The following SPATA9 variants were observed in gnomAD, a reference collection of about 807,000 sequenced individuals.
SPATA9 encodes spermatogenesis associated 9.
A neutral mutation model predicts 25.5 loss-of-function variants in SPATA9; 27 were observed. The ratio of observed to expected loss-of-function variants is 1.06; its 90% confidence interval spans 0.78 to 1.46. SPATA9 has a LOEUF of 1.46. Among genes scored for constraint, SPATA9 ranks in the 40% most tolerant of loss-of-function variants. SPATA9 has a pLI of 0.00. For synonymous variants in SPATA9, 102 were observed against 105.7 expected (o/e 0.97, Z 0.21); for missense variants, 282 against 297.5 (o/e 0.95, Z 0.38).
Position 95,675,599 on chromosome 5 carries a change from G to A in SPATA9, c.191C>T (p.Ala64Val). The change falls in exon 3 of 5, where the codon GCT becomes GTT. Residue 64 changes from alanine to valine, a missense_variant. Ala to Val is a moderately conservative substitution (Grantham distance 64). Coordinates refer to ENST00000274432, the MANE Select transcript of SPATA9 (RefSeq NM_031952.4). ...PAQKTSKIRM[A>V]IALAKINRAT... ...TCGATTAATCTTAGCTAAAGCAATA[G>A]CCATCCTGATTTTGGATGTTTTCTG... The A allele has an allele frequency of 6.2e-7, 1 of 1,614,112 alleles. No individual in the cohort carries two copies. Among genetic ancestry groups the A allele is most frequent in the Non-Finnish European group, 8.5e-7 (1 of 1,180,008 alleles).
At chr5:95,725,055 T>C in the SPATA9 span, among the ~76,000 whole-genome samples, 1 of 152,092 alleles carries the variant, frequency 6.6e-6, no homozygotes, top group Non-Finnish European at 1.5e-5. Flanking sequence ...ACACATGCCA[T>C]GTGACCTAGC....
chr5:95,724,924 G>C, the SPATA9 span, among the ~76,000 whole-genome samples: 2 of 152,024 alleles, frequency 1.3e-5, no homozygotes, highest in Admixed American at 1.3e-4. Flanking sequence ...ATGGTGGCAT[G>C]CACCTGTAGT....
chr5:95,658,901 TA>T lies in SPATA9; in HGVS notation c.486del (p.Asn163MetfsTer4), dbSNP rs745670006. 1 of 1,609,396 alleles carries T rather than the reference TA, an allele frequency of 6.2e-7. No individual in the cohort carries two copies. The highest frequency in any genetic ancestry group is 8.5e-7 in the Non-Finnish European group (1 of 1,178,318). On this transcript the variant is annotated frameshift_variant, in exon 5 of 5. Transcript: ENST00000274432. LOFTEE classifies it high-confidence loss of function. ...TTCTTTACCTTCTTCAGCACAGCATTAACACAGACTGCCTATACAATAAAAA... is the reference window on the plus strand; with the variant it reads ...TTCTTTACCTTCTTCAGCACAGCATTACACAGACTGCCTATACAATAAAAA... The part of the protein sequence containing the change: ...YAALIYLAVC[V>X]NAVLKKVKNI...
At chr5:95,702,972 T>G (rs1276537734), upstream of SPATA9, among the ~76,000 whole-genome samples, 2 of 152,264 alleles carry the variant, frequency 1.3e-5, no homozygotes, top group Admixed American at 1.3e-4. Context: ...CTTCATTTAT[T>G]TCTTTAAAAT....
the SPATA9 span, among the ~76,000 whole-genome samples, chr5:95,708,277 C>T: frequency 6.6e-6 from 1 of 152,044 alleles, no homozygotes; most frequent in Non-Finnish European, 1.5e-5. Context: ...CAGTCAAAGG[C>T]CGGATTGGCT....
the SPATA9 span, chr5:95,731,503 C>T: frequency 5.6e-6 from 7 of 1,248,108 alleles, no homozygotes; most frequent in South Asian, 6.8e-5. Context: ...GTCCCCGGCT[C>T]GCTCGCTGGC....
intron 2 of SPATA9, among the ~76,000 whole-genome samples, chr5:95,679,883 A>G (rs951181457): frequency 2.6e-5 from 4 of 152,208 alleles, no homozygotes; most frequent in Admixed American, 6.5e-5. Flanking sequence ...ACAAGAATGC[A>G]TATCAGTTAA....
chr5:95,720,455 C>T, the SPATA9 span, among the ~76,000 whole-genome samples: 1 of 152,122 alleles, frequency 6.6e-6, no homozygotes, highest in East Asian at 1.9e-4. Context: ...TAATAAAATG[C>T]ACTGGTTGAA....
intron 4 of SPATA9, among the ~76,000 whole-genome samples, chr5:95,661,381 C>A (rs1213340230): frequency 6.6e-6 from 1 of 151,984 alleles, no homozygotes; most frequent in African/African-American, 2.4e-5. Context: ...CTTTCAAAAC[C>A]AAAATTGTAA....
In SPATA9 at chr5:95,675,396, T is replaced by G; in HGVS notation, c.378+16A>C. 6.3e-7 allele frequency: 1 copy of G among 1,589,416 alleles called. No homozygotes were observed. Among genetic ancestry groups the G allele is most frequent in the Non-Finnish European group, 8.6e-7 (1 of 1,167,848 alleles). On this transcript the variant is annotated intron_variant, in intron 3 of 4. Coordinates refer to ENST00000274432, the MANE Select transcript of SPATA9 (RefSeq NM_031952.4). ...TCTTAAAAAAGGGGAATTGTGCATATGCAGTATTCCCTTACCTGAATGTTA... is the reference window on the plus strand; with the variant it reads ...TCTTAAAAAAGGGGAATTGTGCATAGGCAGTATTCCCTTACCTGAATGTTA...
At chr5:95,698,450 T>C (rs1323343155) in intron 1 of SPATA9, 1 of 152,138 alleles carries the variant, frequency 6.6e-6, no homozygotes, top group Non-Finnish European at 1.5e-5. Flanking sequence ...AGGGACTAGA[T>C]TGTTATCTGG....
At chr5:95,718,084 G>T in the SPATA9 span, among the ~76,000 whole-genome samples, 2 of 152,144 alleles carry the variant, frequency 1.3e-5, no homozygotes, top group African/African-American at 4.8e-5. Flanking sequence ...ACACTAGAAA[G>T]TATGTTATGG....
chr5:95,654,152 A>G (rs199897744), downstream of SPATA9: 18 of 1,612,446 alleles, frequency 1.1e-5, no homozygotes, highest in African/African-American at 2.4e-4. Context: ...AAAATCTGAA[A>G]GAATGACAGC....
At chr5:95,667,742 G>A (rs1751958075) in intron 3 of SPATA9, among the ~76,000 whole-genome samples, 1 of 152,124 alleles carries the variant, frequency 6.6e-6, no homozygotes, top group Non-Finnish European at 1.5e-5. Context: ...GTGTTGTATG[G>A]GTTGGATCTG....
At chr5:95,708,612 A>G in the SPATA9 span, 77 of 696,514 alleles carry the variant, frequency 1.1e-4, no homozygotes, top group African/African-American at 1.1e-3. Context: ...AAAAGTCAAC[A>G]TTTTGGAGTT....
chr5:95,711,298 T>TA, the SPATA9 span, among the ~76,000 whole-genome samples: 1 of 152,152 alleles, frequency 6.6e-6, no homozygotes, highest in African/African-American at 2.4e-5. Context: ...TCTCTCCAGA[T>TA]ACGCTCCCTC....
the SPATA9 span, among the ~76,000 whole-genome samples, chr5:95,711,890 G>A: frequency 1.3e-5 from 2 of 152,320 alleles, no homozygotes; most frequent in East Asian, 3.9e-4. Context: ...CCCGCCACAC[G>A]GCTTGAACAA....
intron 4 of SPATA9, 79 bp from the exon 5 acceptor site, chr5:95,658,992 T>C (rs1200513290): frequency 1.7e-5 from 25 of 1,497,840 alleles, no homozygotes; most frequent in Non-Finnish European, 2.1e-5. Flanking sequence ...CAATATAGTG[T>C]TCCACATAAA....
Position 95,682,784 on chromosome 5 carries a change from T to C in SPATA9, c.61+10A>G. On this transcript the variant is annotated intron_variant, in intron 1 of 4. Transcript: ENST00000274432. ...CACCCATACGCCCTTTACAACAAGA[T>C]TGTGTATACTTCTTCCAGAAAAGTT... is the stretch of plus-strand genomic sequence containing the variant. 2 of 1,542,722 alleles carry C rather than the reference T, an allele frequency of 1.3e-6. No individual in the cohort carries two copies. Among genetic ancestry groups the C allele is most frequent in the Non-Finnish European group, 1.7e-6 (2 of 1,149,004 alleles).
Sources: gnomAD v4.1 joint callset for allele counts (sites outside exome capture counted in the v4.1 genomes callset) on GRCh38, gnomAD v4.1.1 for gene constraint, MANE v1.5 for transcripts, NCBI Gene and HGNC (gene_info 2026-07-23, HGNC 2026-07-21) for gene names.